The following CAPS2 variants were observed in gnomAD, a reference collection of about 807,000 sequenced individuals.
CAPS2 encodes calcyphosin-2.
Under a neutral mutation model 86.5 loss-of-function variants are expected in CAPS2, and 98 were observed. The ratio of observed to expected loss-of-function variants is 1.13; its 90% CI spans 0.96 to 1.34. CAPS2 has a LOEUF of 1.34. Among genes scored for constraint, CAPS2 ranks in the 40% most tolerant of loss-of-function variants. The pLI is 0.00. For missense variants in CAPS2, 729 were observed against 686.8 expected, an observed-to-expected ratio of 1.06 and a Z score of -0.69; for synonymous variants, 210 against 225.1, an observed-to-expected ratio of 0.93 and a Z score of 0.60.
chr12:75,327,153 T>C (rs2040861018), upstream of CAPS2, among the ~76,000 whole-genome samples: 1 of 152,212 alleles, frequency 6.6e-6, no homozygotes, highest in Non-Finnish European at 1.5e-5. Context: ...TAAGTTTAAA[T>C]AAATTTTTAG....
Position 75,322,864 on chromosome 12 carries a change from T to C in CAPS2, c.291+110A>G, listed in dbSNP as rs74108714. ...AGTAAAAATTATTTCACCAACCTTATGGTTTGGTATTTAAATACATAAAAT... is the reference window on the plus strand; with the variant it reads ...AGTAAAAATTATTTCACCAACCTTACGGTTTGGTATTTAAATACATAAAAT... On this transcript the variant is annotated intron_variant, in intron 4 of 16. Transcript: ENST00000393284. The C allele has an allele frequency of 4.1e-3, 2,524 of 610,324 alleles. 41 individuals carry two copies. The African/African-American group carries it at 0.042, about 10-fold the overall frequency. The allele number at this position is 610,324 out of a possible 1,614,324, so 37.8% of individuals were successfully genotyped here. A position where few individuals can be genotyped will look rare whatever the true frequency, so the allele number is the denominator to read the frequency against.
exon 14 of CAPS2, chr12:75,289,755 G>A: frequency 6.2e-7 from 1 of 1,611,670 alleles, no homozygotes; most frequent in Non-Finnish European, 8.5e-7. Context: ...CCTCTTTTAT[G>A]TAGTTTTTCT....
intron 1 of CAPS2, among the ~76,000 whole-genome samples, chr12:75,338,236 G>C (rs11833128): frequency 6.6e-6 from 1 of 151,968 alleles, no homozygotes; most frequent in African/African-American, 2.4e-5. Flanking sequence ...CACATATAAA[G>C]AATATTATAT....
At chr12:75,287,110 A>G (rs1270263048) in intron 14 of CAPS2, among the ~76,000 whole-genome samples, 1 of 150,600 alleles carries the variant, frequency 6.6e-6, no homozygotes, top group Admixed American at 6.7e-5. Context: ...ATATATATAT[A>G]TTATATATAT....
upstream of CAPS2, among the ~76,000 whole-genome samples, chr12:75,328,798 A>T (rs2041026031): frequency 6.6e-6 from 1 of 152,240 alleles, no homozygotes; most frequent in African/African-American, 2.4e-5. Context: ...CCCACAATGT[A>T]GTAGGAACTT....
chr12:75,291,595 ATATATATATATATATATTC>A (rs2035961172), intron 13 of CAPS2, 130 bp downstream of exon 13: 2 of 79,906 alleles, frequency 2.5e-5, no homozygotes, highest in South Asian at 5.1e-4. Flanking sequence ...ATATATATAT[ATATATATATATATATATTC>A]TTTTTTAAAT....
intron 1 of CAPS2, among the ~76,000 whole-genome samples, chr12:75,386,856 T>C: frequency 6.8e-6 from 1 of 146,256 alleles, no homozygotes; most frequent in South Asian, 2.2e-4. Context: ...AACGTCCATA[T>C]ACAAGAAAAA....
chr12:75,276,143 C>G, downstream of CAPS2: 1 of 1,481,074 alleles, frequency 6.8e-7, no homozygotes, highest in Non-Finnish European at 9.0e-7. Flanking sequence ...TGTCTTTGCT[C>G]TTCTCTTGCT....
chr12:75,359,357 C>CTTT lies in CAPS2; in HGVS notation c.-395+31478_-395+31480dup, dbSNP rs61616225. ...GAGTTAGAAGACTCAGCATTGTTGT[C>CTTT]TTTTTTTTTTTTTTTTTTTTTTTTT... On this transcript the variant is annotated intron_variant, in intron 1 of 5. Coordinates refer to the CAPS2 transcript ENST00000551829. Among the ~76,000 whole-genome samples the CTTT allele has an allele frequency of 2.0e-3, 57 of 28,586 alleles. 6 individuals carry two copies. Among genetic ancestry groups the CTTT allele is most frequent in the African/African-American group, 4.2e-3 (30 of 7,162 alleles). 18.8% of individuals were successfully genotyped at this position (28,586 alleles called of 152,430 possible). A position where few individuals can be genotyped will look rare whatever the true frequency, so the allele number is the denominator to read the frequency against.
intron 1 of CAPS2, chr12:75,360,070 T>A (rs2043466326): frequency 6.6e-6 from 1 of 152,136 alleles, no homozygotes; most frequent in Admixed American, 6.6e-5. Flanking sequence ...TCACTCACTA[T>A]CATGAGAACA....
chr12:75,369,924 A>G, intron 1 of CAPS2: 1 of 1,243,654 alleles, frequency 8.0e-7, no homozygotes, highest in South Asian at 1.6e-5. Context: ...CTTGTTTTAT[A>G]ACATTTTATA....
exon 14 of CAPS2, chr12:75,289,768 T>C: frequency 1.2e-6 from 2 of 1,610,540 alleles, no homozygotes; most frequent in Non-Finnish European, 1.7e-6. Context: ...GTTTTTCTTT[T>C]AGCACATCTG....
intron 8 of CAPS2, among the ~76,000 whole-genome samples, chr12:75,300,897 A>T (rs2037732582): frequency 1.3e-5 from 2 of 152,234 alleles, no homozygotes; most frequent in Admixed American, 1.3e-4. Context: ...TGACTTGTTT[A>T]AGCCACTATC....
chr12:75,278,188 C>A, exon 17 of CAPS2: 5 of 976,928 alleles, frequency 5.1e-6, no homozygotes, highest in Non-Finnish European at 6.1e-6. Flanking sequence ...AATAAAAGAA[C>A]AAATACAACT....
intron 6 of CAPS2, among the ~76,000 whole-genome samples, chr12:75,313,759 G>A (rs1344780120): frequency 6.6e-6 from 1 of 152,054 alleles, no homozygotes; most frequent in Non-Finnish European, 1.5e-5. Flanking sequence ...TTAAGATAGA[G>A]GCTTTGTAAC....
intron 1 of CAPS2, among the ~76,000 whole-genome samples, chr12:75,388,351 A>G (rs2045398412): frequency 6.6e-6 from 1 of 152,200 alleles, no homozygotes; most frequent in Admixed American, 6.5e-5. Context: ...TAGTGGCATG[A>G]GAATAGAATA....
intron 1 of CAPS2, among the ~76,000 whole-genome samples, 198 bp downstream of exon 2, chr12:75,326,220 T>A (rs1197765647): frequency 2.0e-5 from 3 of 152,150 alleles, no homozygotes; most frequent in Non-Finnish European, 4.4e-5. Context: ...AGTTTAATTT[T>A]AAAAAATAAA....
In CAPS2 at chr12:75,312,857, T is replaced by C. The variant is rs770801035; in HGVS notation, c.650A>G (p.His217Arg). Reference sequence around the variant, plus strand: ...AGTTGCTAATTCTCACCTAGATAAGTGGTCTATCATCACTTGCTCTGCAAC... The same window carrying C: ...AGTTGCTAATTCTCACCTAGATAAGCGGTCTATCATCACTTGCTCTGCAAC... The change falls in exon 7 of 17, where the codon CAC (histidine) becomes CGC (arginine). Residue 217 changes from histidine to arginine, a missense_variant. Coordinates refer to ENST00000393284, the Ensembl canonical transcript of CAPS2. 7 of 1,577,128 alleles carry C rather than the reference T, an allele frequency of 4.4e-6. No homozygotes were observed. In the East Asian group the frequency reaches 9.0e-5, roughly 20 times the overall value.
At chr12:75,370,233 C>A (rs2044272545) in intron 1 of CAPS2, 1 of 848,938 alleles carries the variant, frequency 1.2e-6, no homozygotes, top group Non-Finnish European at 2.0e-6. Flanking sequence ...TAGTTTATTG[C>A]TTAATATAAC....
Sources: gnomAD v4.1 joint callset for allele counts (sites outside exome capture counted in the v4.1 genomes callset) on GRCh38, gnomAD v4.1.1 for gene constraint, MANE v1.5 for transcripts, NCBI Gene and HGNC (gene_info 2026-07-23, HGNC 2026-07-21) for gene names.